Variants in SLC27A4 observed in about 807,000 individuals in gnomAD.
The protein encoded by SLC27A4 is solute carrier family 27 member 4.
A neutral mutation model predicts 64.4 loss-of-function variants in SLC27A4; 33 were observed. The ratio of observed to expected loss-of-function variants is 0.51; its 90% CI spans 0.39 to 0.68. The LOEUF is 0.68. Among genes scored for constraint, SLC27A4 ranks in the 30% least tolerant of loss-of-function variants. The pLI is 0.00. For missense variants in SLC27A4, 824 were observed against 883.5 expected, an observed-to-expected ratio of 0.93 and a Z score of 0.85; for synonymous variants, 377 against 370.0, an observed-to-expected ratio of 1.02 and a Z score of -0.22.
rs75747389 is a variant in SLC27A4 at position 128,349,755 on chromosome 9, C to T, written c.716-557C>T. 3.6e-3 allele frequency among the ~76,000 whole-genome samples: 542 copies of T among 152,330 alleles called. 16 individuals are homozygous for T. The East Asian group carries it at 0.081, about 23-fold the overall frequency. On this transcript the variant is annotated intron_variant, in intron 4 of 12. Transcript: ENST00000300456. ...GGTAGGGCCGAGCCTCACATAGAAA[C>T]TCTAACGTGGCAATCCCTGTCGAGG...
Position 128,350,960 on chromosome 9 carries a change from G to A in SLC27A4, c.877+385G>A, listed in dbSNP as rs189555460. Among the ~76,000 whole-genome samples the A allele has an allele frequency of 4.0e-3, 609 of 152,320 alleles. 3 individuals carry two copies. Among genetic ancestry groups the A allele is most frequent in the African/African-American group, 0.013 (555 of 41,566 alleles). ...TACAAAAAATTAGCCAGGTGTGGTG[G>A]CTCATGCCTGTAGGCCCAGCTACTC... On this transcript the variant is annotated intron_variant, in intron 6 of 12. Coordinates refer to ENST00000300456, the MANE Select transcript of SLC27A4 (RefSeq NM_005094.4).
chr9:128,355,017 C>T (rs761096197), intron 9 of SLC27A4, 36 bp from the exon 10 acceptor site: 15 of 1,601,014 alleles, frequency 9.4e-6, no homozygotes, highest in Admixed American at 6.8e-5. Flanking sequence ...GGAGAGGCTG[C>T]CTAGGGCAGA....
chr9:128,350,088 T>C (rs1832710937), intron 4 of SLC27A4, among the ~76,000 whole-genome samples: 2 of 152,212 alleles, frequency 1.3e-5, no homozygotes, highest in Non-Finnish European at 2.9e-5. Context: ...CACTGATGTC[T>C]CTCTCCACCA....
At position 128,353,649 on chromosome 9, in the gene SLC27A4, G is replaced by A; in HGVS notation, c.1324+108G>A. ...TGACCAGTGGCCATCAGTTATCTCTGCTCTTAGGGTTACAAGTTACTCATT... is the reference window on the plus strand; with the variant it reads ...TGACCAGTGGCCATCAGTTATCTCTACTCTTAGGGTTACAAGTTACTCATT... On this transcript the variant is annotated intron_variant, in intron 9 of 12. Coordinates refer to ENST00000300456, the MANE Select transcript of SLC27A4 (RefSeq NM_005094.4). The surrounding 1 kb of genome is among the most constrained non-coding windows in gnomAD (Gnocchi z 4.9). 1 of 1,149,512 alleles carries A rather than the reference G, an allele frequency of 8.7e-7. No homozygotes were observed. Among genetic ancestry groups the A allele is most frequent in the Non-Finnish European group, 1.2e-6 (1 of 804,294 alleles). 71.2% of individuals were successfully genotyped at this position (1,149,512 alleles called of 1,614,324 possible).
At chr9:128,354,590 G>A (rs1482985906) in intron 9 of SLC27A4, among the ~76,000 whole-genome samples, 2 of 151,952 alleles carry the variant, frequency 1.3e-5, no homozygotes, top group Non-Finnish European at 2.9e-5. Flanking sequence ...GCCAAGATGA[G>A]CTCCTGGGCT....
In SLC27A4 at chr9:128,345,348, C is replaced by T; in HGVS notation, c.355C>T (p.Gln119Ter). ...CTCAAGCAGTGTAGCCAACTTCCTG[C>T]AGGCCCGGGGCCTGGCCTCGGGCGA... ...EYSSSVANFLQARGLASGDVA... is the reference protein window; with the variant it reads ...EYSSSVANFL The change falls in exon 3 of 13, where the codon CAG becomes TAG. Residue 119 changes from glutamine (Q) to a stop codon, truncating the protein, a stop_gained. Coordinates refer to ENST00000300456, the MANE Select transcript of SLC27A4 (RefSeq NM_005094.4). LOFTEE classifies it high-confidence loss of function. This position sits in a 1 kb window ranked among gnomAD's most constrained non-coding sequence, Gnocchi z 4.1. 6.2e-7 allele frequency: 1 copy of T among 1,613,866 alleles called. No homozygotes were observed. Among genetic ancestry groups the T allele is most frequent in the African/African-American group, 1.3e-5 (1 of 75,040 alleles).
chr9:128,359,126 C>T (rs1832862266), intron 12 of SLC27A4, among the ~76,000 whole-genome samples: 1 of 152,196 alleles, frequency 6.6e-6, no homozygotes, highest in Non-Finnish European at 1.5e-5. Context: ...TCTGTCTCAT[C>T]CAGGTTCCAA....
intron 1 of SLC27A4, chr9:128,342,724 C>T: frequency 6.0e-6 from 2 of 330,838 alleles, no homozygotes. Flanking sequence ...TATTGGAATG[C>T]ACAGTTTTTT....
At chr9:128,355,852 T>G (rs1832813306) in intron 12 of SLC27A4, 56 bp downstream of exon 12, 2 of 1,606,156 alleles carry the variant, frequency 1.2e-6, no homozygotes, top group South Asian at 2.2e-5. Context: ...CGTTTCCTTC[T>G]GGAGAGACCC....
chr9:128,353,662 C>A lies in SLC27A4; in HGVS notation c.1324+121C>A. 1.0e-6 allele frequency: 1 copy of A among 980,884 alleles called. No homozygotes were observed. The highest frequency in any genetic ancestry group is 2.5e-5 in the East Asian group (1 of 40,374). 60.8% of individuals were successfully genotyped at this position (980,884 alleles called of 1,614,324 possible). A position where few individuals can be genotyped will look rare whatever the true frequency, so the allele number is the denominator to read the frequency against. On this transcript the variant is annotated intron_variant, in intron 9 of 12. Transcript: ENST00000300456. This position sits in a 1 kb window ranked among gnomAD's most constrained non-coding sequence, Gnocchi z 4.9. The stretch of plus-strand genomic sequence containing the variant: ...TCAGTTATCTCTGCTCTTAGGGTTA[C>A]AAGTTACTCATTTATTTGTGTATCC...
intron 12 of SLC27A4, among the ~76,000 whole-genome samples, chr9:128,359,005 G>T (rs960447620): frequency 3.3e-5 from 5 of 152,218 alleles, no homozygotes; most frequent in African/African-American, 1.2e-4. Flanking sequence ...AGTCCAGATT[G>T]AGGCCAATGG....
In SLC27A4 at chr9:128,353,356, C is replaced by CAAGCA. The variant is rs1832765966; in HGVS notation, c.1198-58_1198-57insAGCAA. ...GGGTGCTGGAGTCCCACTTCCCCCT[C>CAAGCA]ATTGTCCAGTTTTGGGCCCATGGTG... On this transcript the variant is annotated intron_variant, in intron 8 of 12. Transcript: ENST00000300456. The surrounding 1 kb of genome is among the most constrained non-coding windows in gnomAD (Gnocchi z 4.9). 1 of 1,613,724 alleles carries CAAGCA rather than the reference C, an allele frequency of 6.2e-7. No homozygotes were observed. The highest frequency in any genetic ancestry group is 1.3e-5 in the African/African-American group (1 of 74,928).
chr9:128,347,042 G>A (rs1356338582), intron 3 of SLC27A4, among the ~76,000 whole-genome samples: 1 of 152,098 alleles, frequency 6.6e-6, no homozygotes, highest in Non-Finnish European at 1.5e-5. Context: ...TAGCAACATG[G>A]CTGATGCTAG....
rs1832690183 is a variant in SLC27A4, at chr9:128,348,558, C to T, written c.570C>T (p.Val190=). The T allele has an allele frequency of 1.2e-6, 2 of 1,613,222 alleles. No individual in the cohort carries two copies. The highest frequency in any genetic ancestry group is 8.5e-7 in the Non-Finnish European group (1 of 1,180,034). ...GSEMASAICE[V]HASLDPSLSL... The stretch of plus-strand genomic sequence containing the variant: ...GTCTCCCCACAGCCATCTGTGAGGT[C>T]CATGCCAGCCTGGACCCCTCGCTCA... Residue 190 remains valine, a synonymous_variant, in exon 4 of 13, where the codon GTC becomes GTT. Transcript: ENST00000300456.
At chr9:128,354,381 C>A (rs557935918) in intron 9 of SLC27A4, among the ~76,000 whole-genome samples, 1 of 152,152 alleles carries the variant, frequency 6.6e-6, no homozygotes, top group Non-Finnish European at 1.5e-5. Context: ...TATCTACAAA[C>A]TGTGCCCATG....
chr9:128,344,863 G>A (rs1365013767), intron 2 of SLC27A4, among the ~76,000 whole-genome samples: 3 of 152,172 alleles, frequency 2.0e-5, no homozygotes, highest in Non-Finnish European at 4.4e-5. Flanking sequence ...GAGGCCTAGA[G>A]TTCAAATCTC....
chr9:128,351,086 C>G (rs541075124), intron 6 of SLC27A4, among the ~76,000 whole-genome samples: 1 of 150,428 alleles, frequency 6.6e-6, no homozygotes, highest in East Asian at 2.0e-4. Context: ...GTACAAGACT[C>G]TGTCTCGGAA....
chr9:128,343,411 T>A (rs963710358), intron 2 of SLC27A4, 118 bp downstream of exon 2: 1 of 1,219,258 alleles, frequency 8.2e-7, no homozygotes, highest in Non-Finnish European at 1.2e-6. Flanking sequence ...CTGAGCTGAG[T>A]TCCAGAACAG....
chr9:128,349,972 C>T (rs1295482569), intron 4 of SLC27A4, among the ~76,000 whole-genome samples: 1 of 152,210 alleles, frequency 6.6e-6, no homozygotes, highest in African/African-American at 2.4e-5. Flanking sequence ...AGGTCCTGTG[C>T]CCTCCCTCGG....
Sources: allele counts gnomAD v4.1 joint callset (sites outside exome capture counted in the v4.1 genomes callset), GRCh38; gene constraint gnomAD v4.1.1; non-coding constraint Gnocchi (gnomAD v3.1); transcripts MANE v1.5; gene names NCBI Gene and HGNC (gene_info 2026-07-23, HGNC 2026-07-21).